The following AKAP8 variants were observed in gnomAD, a reference collection of about 807,000 sequenced individuals.
AKAP8 encodes the protein A-kinase anchor protein 8.
A neutral mutation model predicts 67.5 loss-of-function variants in AKAP8; 24 were observed. The observed-to-expected ratio is 0.36, with a 90% CI of 0.26 to 0.50. The LOEUF (loss-of-function observed/expected upper bound fraction) is 0.50, where lower values mean the gene tolerates loss of function less well. Ranked by LOEUF, AKAP8 falls within the 20% of genes least tolerant of loss-of-function variation. The pLI is 0.97. For missense variants in AKAP8, 971 were observed against 955.9 expected, an observed-to-expected ratio of 1.02 and a Z score of -0.21; for synonymous variants, 400 against 371.1, an observed-to-expected ratio of 1.08 and a Z score of -0.90.
chr19:15,376,312 C>T lies in AKAP8; in HGVS notation c.58+664G>A, dbSNP rs527919588. On this transcript the variant is annotated intron_variant, in intron 2 of 13. Transcript: ENST00000269701. ...GGGATTGATTATGAGGTCAGGAGTT[C>T]GAGACCAGCTTGGCCAACATGGTAA... Among the ~76,000 whole-genome samples, 4 of 152,172 alleles carry T rather than the reference C, an allele frequency of 2.6e-5. No homozygotes were observed. The South Asian group carries it at 8.3e-4, about 32-fold the overall frequency.
At chr19:15,371,335 C>A (rs1967153945) in intron 7 of AKAP8, among the ~76,000 whole-genome samples, 1 of 152,146 alleles carries the variant, frequency 6.6e-6, no homozygotes, top group Non-Finnish European at 1.5e-5. Flanking sequence ...GATGAGGACA[C>A]CAGTCAGCGG....
At chr19:15,376,644 G>T (rs1967257749) in intron 2 of AKAP8, among the ~76,000 whole-genome samples, 1 of 152,086 alleles carries the variant, frequency 6.6e-6, no homozygotes, top group Admixed American at 6.5e-5. Flanking sequence ...AAACACCTCG[G>T]ATATACCCTC....
intron 12 of AKAP8, 28 bp from the exon 13 acceptor site, chr19:15,359,090 T>A: frequency 6.3e-7 from 1 of 1,595,734 alleles, no homozygotes; most frequent in Non-Finnish European, 8.6e-7. Context: ...TGTGAGCTCT[T>A]AAAAATGGCA....
At chr19:15,356,053 C>A (rs1770335817) in intron 13 of AKAP8, among the ~76,000 whole-genome samples, 1 of 151,878 alleles carries the variant, frequency 6.6e-6, no homozygotes, top group Non-Finnish European at 1.5e-5. Flanking sequence ...TTTAATCAAG[C>A]ATGTACCAGC....
At chr19:15,366,229 A>G (rs1324407157) in intron 9 of AKAP8, among the ~76,000 whole-genome samples, 3 of 150,178 alleles carry the variant, frequency 2.0e-5, no homozygotes, top group Non-Finnish European at 4.4e-5. Flanking sequence ...CTGGGAGGCC[A>G]ACGCAGGAAG....
At position 15,372,264 on chromosome 19, in the gene AKAP8, G is replaced by A. The variant is rs1010449980; in HGVS notation, c.945C>T (p.Asp315=). The A allele has an allele frequency of 2.4e-5, 39 of 1,614,088 alleles. No individual in the cohort carries two copies. The highest frequency in any genetic ancestry group is 3.0e-5 in the Non-Finnish European group (35 of 1,180,048). Reference sequence around the variant, plus strand: ...CACTGTCAACCCGGGCCAGTTTGGTGTCTGGCTCCTCGTAAAGTTGGAACT... The same window carrying A: ...CACTGTCAACCCGGGCCAGTTTGGTATCTGGCTCCTCGTAAAGTTGGAACT... ...RKQFQLYEEP[D]TKLARVDSEG... Residue 315 remains aspartate, a synonymous_variant, in exon 6 of 14, where the codon GAC becomes GAT. Coordinates refer to ENST00000269701, the MANE Select transcript of AKAP8 (RefSeq NM_005858.4).
chr19:15,372,875 C>G lies in AKAP8; in HGVS notation c.837G>C (p.Gln279His), dbSNP rs868155981. The change falls in exon 5 of 14, where the codon CAG becomes CAC. Residue 279 changes from glutamine to histidine, a missense_variant. By Grantham distance (24) the Gln-to-His change is conservative (BLOSUM62 0). This residue lies in a region of AKAP8 where 763 missense variants were observed against 745.4 expected (regional missense o/e 1.02). Coordinates refer to ENST00000269701, the MANE Select transcript of AKAP8 (RefSeq NM_005858.4). ...CCCGATCCCGATCCCGCATCCGAGG[C>G]TGCGAGCGGCCACATCCGTAGGGCA... is the stretch of plus-strand genomic sequence containing the variant. ...STMPYGCGRS[Q>H]PRMRDRDRPK... 2.0e-6 allele frequency: 3 copies of G among 1,501,670 alleles called. No homozygotes were observed. Among genetic ancestry groups the G allele is most frequent in the Admixed American group, 2.4e-5 (1 of 41,298 alleles). The allele number at this position is 1,501,670 out of a possible 1,614,324, so 93.0% of individuals were successfully genotyped here.
chr19:15,370,546 G>C (rs1967137702), intron 7 of AKAP8, among the ~76,000 whole-genome samples: 1 of 152,114 alleles, frequency 6.6e-6, no homozygotes, highest in African/African-American at 2.4e-5. Context: ...TCTCACTTGG[G>C]GGATGCCAGT....
Position 15,369,806 on chromosome 19 carries a change from C to T in AKAP8, c.1072+340G>A, listed in dbSNP as rs981408816. Among the ~76,000 whole-genome samples, 7 of 152,158 alleles carry T rather than the reference C, an allele frequency of 4.6e-5. No homozygotes were observed. Among genetic ancestry groups the T allele is most frequent in the Admixed American group, 6.5e-5 (1 of 15,278 alleles). On this transcript the variant is annotated intron_variant, in intron 8 of 13. Coordinates refer to ENST00000269701, the MANE Select transcript of AKAP8 (RefSeq NM_005858.4). The surrounding 1 kb of genome is among the most constrained non-coding windows in gnomAD (Gnocchi z 4.6). ...AAACACTTCAGGGAAATGCACTGGCCGAGGAGGGCACAGAAGATGGGCTGG... is the reference window on the plus strand; with the variant it reads ...AAACACTTCAGGGAAATGCACTGGCTGAGGAGGGCACAGAAGATGGGCTGG...
Position 15,361,740 on chromosome 19 carries a change from T to C in AKAP8, c.1385A>G (p.Asp462Gly), listed in dbSNP as rs201801143. Residue 462 changes from aspartate (D) to glycine (G), a missense_variant, in exon 11 of 14, where the codon GAT (aspartate) becomes GGT (glycine). Around this residue, in one of 3 missense-constraint regions of AKAP8, gnomAD observed 763 missense variants for 745.4 expected, o/e 1.02. Transcript: ENST00000269701. ...GGATGACAACTCACCTTTGAAAGGA[T>C]CTGGTTTTGGTTTTGCGGTTTCTTT... The part of the protein sequence containing the change: ...MEKETAKPKP[D>G]PFKGIGQEHF... 6.2e-7 allele frequency: 1 copy of C among 1,612,228 alleles called. No homozygotes were observed. Among genetic ancestry groups the C allele is most frequent in the Non-Finnish European group, 8.5e-7 (1 of 1,178,316 alleles).
intron 7 of AKAP8, 83 bp from the exon 8 acceptor site, chr19:15,370,262 T>C (rs1023859948): frequency 1.1e-5 from 16 of 1,504,246 alleles, no homozygotes; most frequent in Non-Finnish European, 1.4e-5. Context: ...GGCCACTGCC[T>C]GGTGGGCAGT....
At position 15,357,799 on chromosome 19, in the gene AKAP8, C is replaced by T. The variant is rs1289719711; in HGVS notation, c.1623+1168G>A. ...CACGATCTTGGCTCACTGCAACCTCCGCCTCCTGAGTAGCTGGGACCACAG... is the reference window on the plus strand; with the variant it reads ...CACGATCTTGGCTCACTGCAACCTCTGCCTCCTGAGTAGCTGGGACCACAG... On this transcript the variant is annotated intron_variant, in intron 13 of 13. Transcript: ENST00000269701. 2.0e-5 allele frequency among the ~76,000 whole-genome samples: 3 copies of T among 150,064 alleles called. No individual in the cohort carries two copies. The East Asian group carries it at 5.9e-4, about 29-fold the overall frequency.
chr19:15,373,094 G>A lies in AKAP8; in HGVS notation c.618C>T (p.Arg206=). ...CAGCGGGGGGCACGAAGGGGTCGCT[G>A]CGCATGAAGGTGCCAGGGTTGCTCC... ...QDRSNPGTFM[R]SDPFVPPAAS... Residue 206 remains arginine, a synonymous_variant, in exon 5 of 14, where the codon CGC becomes CGT. Transcript: ENST00000269701. The A allele has an allele frequency of 6.2e-7, 1 of 1,612,068 alleles. No homozygotes were observed. Among genetic ancestry groups the A allele is most frequent in the East Asian group, 2.2e-5 (1 of 44,866 alleles).
At chr19:15,374,961 G>A (rs1967226986) in intron 2 of AKAP8, among the ~76,000 whole-genome samples, 1 of 152,232 alleles carries the variant, frequency 6.6e-6, no homozygotes, top group African/African-American at 2.4e-5. Flanking sequence ...CAGAGACCTC[G>A]TAAAGGGTCA....
chr19:15,375,627 C>A (rs1967238521), intron 2 of AKAP8, among the ~76,000 whole-genome samples: 1 of 134,410 alleles, frequency 7.4e-6, no homozygotes. Flanking sequence ...CACACCAATG[C>A]AAGATTTTTT....
At chr19:15,359,183 C>A in intron 12 of AKAP8, 121 bp from the exon 13 acceptor site, 1 of 836,424 alleles carries the variant, frequency 1.2e-6, no homozygotes, top group Non-Finnish European at 1.9e-6. Flanking sequence ...AATCTCAAAA[C>A]GCCAGCCTCC....
Position 15,369,241 on chromosome 19 carries a change from T to C in AKAP8, c.1072+905A>G, listed in dbSNP as rs1967115835. ...TAGCAGGACCTGCGCGCAACAGACA[T>C]GTCACCTTTGCTTTAGCATTGTGCC... On this transcript the variant is annotated intron_variant, in intron 8 of 13. Transcript: ENST00000269701. The surrounding 1 kb of genome is among the most constrained non-coding windows in gnomAD (Gnocchi z 4.6). 6.1e-6 allele frequency: 6 copies of C among 985,368 alleles called. No individual in the cohort carries two copies. In the South Asian group the frequency reaches 1.4e-4, roughly 23 times the overall value. 61.0% of individuals were successfully genotyped at this position (985,368 alleles called of 1,614,324 possible).
intron 9 of AKAP8, among the ~76,000 whole-genome samples, chr19:15,366,184 A>AG (rs978498295): frequency 3.3e-5 from 5 of 149,870 alleles, no homozygotes; most frequent in Non-Finnish European, 5.9e-5. Context: ...AGTAGTAAAA[A>AG]AAAAATGTCA....
In AKAP8 at chr19:15,369,847, T is replaced by C. The variant is rs575544016; in HGVS notation, c.1072+299A>G. On this transcript the variant is annotated intron_variant, in intron 8 of 13. Coordinates refer to ENST00000269701, the MANE Select transcript of AKAP8 (RefSeq NM_005858.4). This position sits in a 1 kb window ranked among gnomAD's most constrained non-coding sequence, Gnocchi z 4.6. Reference sequence around the variant, plus strand: ...GATGGGCTGGGGGCCTCTTCTCTCATGTTTCTCCTTCCCTACAAACTTCGA... The same window carrying C: ...GATGGGCTGGGGGCCTCTTCTCTCACGTTTCTCCTTCCCTACAAACTTCGA... 6.6e-6 allele frequency among the ~76,000 whole-genome samples: 1 copy of C among 152,264 alleles called. No individual in the cohort carries two copies. Among genetic ancestry groups the C allele is most frequent in the South Asian group, 2.1e-4 (1 of 4,830 alleles).
Sources: allele counts gnomAD v4.1 joint callset (sites outside exome capture counted in the v4.1 genomes callset), GRCh38; gene constraint gnomAD v4.1.1; regional missense constraint gnomAD v4.1.1; non-coding constraint Gnocchi (gnomAD v3.1); transcripts MANE v1.5; gene names NCBI Gene and HGNC (gene_info 2026-07-23, HGNC 2026-07-21).